The following IQCH variants were observed in gnomAD, a reference collection of about 807,000 sequenced individuals.
IQCH encodes the protein IQ domain-containing protein H.
A neutral mutation model predicts 117.0 loss-of-function variants in IQCH; 98 were observed. That is an observed-to-expected ratio of 0.84 (90% confidence interval 0.71 to 0.99). The LOEUF is 0.99. Among genes scored for constraint, IQCH ranks in the 50% least tolerant of loss-of-function variants. The probability of loss-of-function intolerance (pLI) is 0.00; values close to 1 mark genes in which losing one functional copy is unlikely to be tolerated. For missense variants in IQCH, 1,102 were observed against 1,243.8 expected (o/e 0.89, Z 1.72); for synonymous variants, 412 against 448.2 (o/e 0.92, Z 1.02).
At position 67,443,244 on chromosome 15, in the gene IQCH, G is replaced by A. The variant is rs1359413055; in HGVS notation, c.2505+21667G>A. On this transcript the variant is annotated intron_variant, in intron 16 of 20. Transcript: ENST00000335894. This position sits in a 1 kb window ranked among gnomAD's most constrained non-coding sequence, Gnocchi z 5.0. ...CCTGAACTCGTCATCCACCCGCCTC[G>A]GCCTCCCAAAGTGCTGGGATTACAG... Among the ~76,000 whole-genome samples, 2 of 152,074 alleles carry A rather than the reference G, an allele frequency of 1.3e-5. No homozygotes were observed. Among genetic ancestry groups the A allele is most frequent in the African/African-American group, 2.4e-5 (1 of 41,396 alleles).
intron 14 of IQCH, among the ~76,000 whole-genome samples, chr15:67,412,597 C>T (rs2081477331): frequency 6.6e-6 from 1 of 152,028 alleles, no homozygotes; most frequent in Non-Finnish European, 1.5e-5. Flanking sequence ...CAGGGTTTCA[C>T]CATGTTGGTC....
chr15:67,282,623 A>G (rs1262415827), intron 4 of IQCH, among the ~76,000 whole-genome samples: 1 of 152,222 alleles, frequency 6.6e-6, no homozygotes, highest in Non-Finnish European at 1.5e-5. Flanking sequence ...TGTAAAGTCA[A>G]AGACAGACAA....
chr15:67,274,578 G>A (rs1966043694), intron 3 of IQCH, among the ~76,000 whole-genome samples: 1 of 152,090 alleles, frequency 6.6e-6, no homozygotes, highest in Admixed American at 6.5e-5. Flanking sequence ...TTATCTTGGT[G>A]ATCACTGAGT....
chr15:67,355,320 C>T (rs1969844016), intron 6 of IQCH, among the ~76,000 whole-genome samples: 1 of 152,096 alleles, frequency 6.6e-6, no homozygotes, highest in Non-Finnish European at 1.5e-5. Flanking sequence ...GGCGCGGTGG[C>T]TCACGCCTGT....
At chr15:67,444,576 T>C (rs1274672778) in intron 16 of IQCH, among the ~76,000 whole-genome samples, 1 of 152,104 alleles carries the variant, frequency 6.6e-6, no homozygotes, top group African/African-American at 2.4e-5. Context: ...AGGTGGGAGG[T>C]GATGGGGACA....
Position 67,411,549 on chromosome 15 carries a change from G to A in IQCH, c.2098-5382G>A, listed in dbSNP as rs1478895434. 3.3e-5 allele frequency among the ~76,000 whole-genome samples: 5 copies of A among 152,146 alleles called. No homozygotes were observed. Among genetic ancestry groups the A allele is most frequent in the Admixed American group, 6.5e-5 (1 of 15,282 alleles). ...TTGAACACCATCAGTGTCTGATATG[G>A]GAGATTTGAGGTGATTAACCAAAAA... On this transcript the variant is annotated intron_variant, in intron 14 of 20. Transcript: ENST00000335894. This position sits in a 1 kb window ranked among gnomAD's most constrained non-coding sequence, Gnocchi z 4.4.
intron 4 of IQCH, among the ~76,000 whole-genome samples, chr15:67,329,246 C>G (rs1449004094): frequency 6.6e-6 from 1 of 150,840 alleles, no homozygotes; most frequent in Non-Finnish European, 1.5e-5. Context: ...CTGTAGTGAG[C>G]TGTGATTACA....
chr15:67,340,302 C>T (rs966881206), intron 5 of IQCH, among the ~76,000 whole-genome samples: 2 of 151,758 alleles, frequency 1.3e-5, no homozygotes, highest in East Asian at 3.9e-4. Flanking sequence ...ATGGCGGGCA[C>T]CTGTAATCCC....
In IQCH at chr15:67,388,630, T is replaced by C. The variant is rs1971182628; in HGVS notation, c.1457-201T>C. On this transcript the variant is annotated intron_variant, in intron 11 of 20. Transcript: ENST00000335894. This position sits in a 1 kb window ranked among gnomAD's most constrained non-coding sequence, Gnocchi z 5.5. ...ATCTATTTCGTTGGTGGTGGTGTTA[T>C]TTATATTTTCTTTAGAGAAATGCCG... Among the ~76,000 whole-genome samples the C allele has an allele frequency of 6.6e-6, 1 of 152,218 alleles. No homozygotes were observed. The highest frequency in any genetic ancestry group is 1.5e-5 in the Non-Finnish European group (1 of 68,042).
Position 67,443,495 on chromosome 15 carries a change from G to C in IQCH, c.2506-21632G>C, listed in dbSNP as rs1213362366. On this transcript the variant is annotated intron_variant, in intron 16 of 20. Coordinates refer to ENST00000335894, the MANE Select transcript of IQCH (RefSeq NM_001031715.3). This position sits in a 1 kb window ranked among gnomAD's most constrained non-coding sequence, Gnocchi z 5.0. ...GGAGTGTATACTGCTTGGGTGATGG[G>C]TGCAGCAAATTTTCACAAATCACCA... Among the ~76,000 whole-genome samples, 1 of 152,044 alleles carries C rather than the reference G, an allele frequency of 6.6e-6. No individual in the cohort carries two copies. The highest frequency in any genetic ancestry group is 2.1e-4 in the South Asian group (1 of 4,820).
Position 67,364,131 on chromosome 15 carries a change from A to G in IQCH, c.753+4246A>G, listed in dbSNP as rs1366409538. Among the ~76,000 whole-genome samples the G allele has an allele frequency of 6.6e-6, 1 of 152,192 alleles. No homozygotes were observed. Among genetic ancestry groups the G allele is most frequent in the Non-Finnish European group, 1.5e-5 (1 of 68,028 alleles). On this transcript the variant is annotated intron_variant, in intron 8 of 20. Transcript: ENST00000335894. The surrounding 1 kb of genome is among the most constrained non-coding windows in gnomAD (Gnocchi z 4.1). ...GTTTTAAGTTCTTTGAGAAGTCACT[A>G]AACTGCTTTCTATAATGGCTGAACT...
chr15:67,461,364 G>T (rs565334781), intron 16 of IQCH, among the ~76,000 whole-genome samples: 15 of 152,334 alleles, frequency 9.8e-5, no homozygotes, highest in African/African-American at 3.1e-4. Context: ...CGGAAGAGGA[G>T]TTCACAGTGA....
At chr15:67,331,691 G>T (rs964393467) in intron 4 of IQCH, among the ~76,000 whole-genome samples, 1 of 152,026 alleles carries the variant, frequency 6.6e-6, no homozygotes, top group East Asian at 1.9e-4. Context: ...TCCAAGGCTG[G>T]CAGGACAGCT....
chr15:67,335,808 A>G (rs1458262606), intron 4 of IQCH, among the ~76,000 whole-genome samples: 4 of 152,082 alleles, frequency 2.6e-5, no homozygotes, highest in African/African-American at 9.7e-5. Context: ...TCAAAATACT[A>G]TTTTTATTTA....
Position 67,376,130 on chromosome 15 carries a change from G to T in IQCH, c.1372+2697G>T, listed in dbSNP as rs186256160. Among the ~76,000 whole-genome samples, 44 of 152,224 alleles carry T rather than the reference G, an allele frequency of 2.9e-4. No individual in the cohort carries two copies. The highest frequency in any genetic ancestry group is 6.2e-4 in the South Asian group (3 of 4,820). On this transcript the variant is annotated intron_variant, in intron 10 of 20. Transcript: ENST00000335894. The surrounding 1 kb of genome is among the most constrained non-coding windows in gnomAD (Gnocchi z 5.0). ...AAATGACTTGTGAACATTAAATTAA[G>T]TAACAACAAGCTGTCATCTCCTACC... is the stretch of plus-strand genomic sequence containing the variant.
rs573362366 is a variant in IQCH, at chr15:67,437,130, G to A, written c.2505+15553G>A. On this transcript the variant is annotated intron_variant, in intron 16 of 20. Coordinates refer to ENST00000335894, the MANE Select transcript of IQCH (RefSeq NM_001031715.3). ...TAGAGCATTAAACTACCAAAGCTAAGAACCCTTATGGAATCCATTGCATCC... is the reference window on the plus strand; with the variant it reads ...TAGAGCATTAAACTACCAAAGCTAAAAACCCTTATGGAATCCATTGCATCC... 9.2e-5 allele frequency among the ~76,000 whole-genome samples: 14 copies of A among 152,300 alleles called. No individual in the cohort carries two copies. In the South Asian group the frequency reaches 1.7e-3, roughly 18 times the overall value.
At chr15:67,487,778 G>T (rs1416367558) in intron 18 of IQCH, among the ~76,000 whole-genome samples, 3 of 152,106 alleles carry the variant, frequency 2.0e-5, no homozygotes, top group African/African-American at 7.2e-5. Flanking sequence ...TTGATGAGTG[G>T]TCCTAATTCT....
chr15:67,406,446 C>T lies in IQCH; in HGVS notation c.2097+6141C>T, dbSNP rs1420690511. On this transcript the variant is annotated intron_variant, in intron 14 of 20. Coordinates refer to ENST00000335894, the MANE Select transcript of IQCH (RefSeq NM_001031715.3). This position sits in a 1 kb window ranked among gnomAD's most constrained non-coding sequence, Gnocchi z 4.5. ...CTGAAGAAAGAGGATCACTCGAGCC[C>T]AGGAGTTTGAGGCTGCAATGAGTCA... 6.6e-6 allele frequency: 1 copy of T among 152,102 alleles called. No individual in the cohort carries two copies. The highest frequency in any genetic ancestry group is 1.5e-5 in the Non-Finnish European group (1 of 68,054). 9.4% of individuals were successfully genotyped at this position (152,102 alleles called of 1,614,324 possible).
chr15:67,392,328 T>C (rs1971312486), intron 12 of IQCH, among the ~76,000 whole-genome samples: 1 of 152,122 alleles, frequency 6.6e-6, no homozygotes, highest in African/African-American at 2.4e-5. Context: ...CATGTCTTCA[T>C]TGGAATAATT....
Sources: allele counts gnomAD v4.1 joint callset (sites outside exome capture counted in the v4.1 genomes callset), GRCh38; gene constraint gnomAD v4.1.1; non-coding constraint Gnocchi (gnomAD v3.1); transcripts MANE v1.5; gene names NCBI Gene and HGNC (gene_info 2026-07-23, HGNC 2026-07-21).